The following DNAJA4 variants were observed in gnomAD, a reference collection of about 807,000 sequenced individuals.
DNAJA4 encodes DnaJ heat shock protein family (Hsp40) member A4, also known as dnaJ homolog subfamily A member 4.
DNAJA4 carries 32 observed loss-of-function variants against 39.7 expected under a neutral mutation model. That is an observed-to-expected ratio of 0.81 (90% CI 0.61 to 1.08). The LOEUF (loss-of-function observed/expected upper bound fraction) is 1.08. Ranked by LOEUF, DNAJA4 falls within the 50% of genes least tolerant of loss-of-function variation. The pLI, the probability that DNAJA4 is intolerant of heterozygous loss-of-function variation, is 0.00. For synonymous variants in DNAJA4, 184 were observed against 182.4 expected, an observed-to-expected ratio of 1.01 and a Z score of -0.07; for missense variants, 439 against 505.1, an observed-to-expected ratio of 0.87 and a Z score of 1.25.
intron 3 of DNAJA4, among the ~76,000 whole-genome samples, chr15:78,273,802 A>C (rs1275899146): frequency 6.6e-6 from 1 of 152,196 alleles, no homozygotes; most frequent in Non-Finnish European, 1.5e-5. Context: ...CCAGCCTCAC[A>C]TTGTCCCACA....
At chr15:78,264,320 C>T, upstream of DNAJA4, 2 of 1,405,612 alleles carry the variant, frequency 1.4e-6, no homozygotes, top group Middle Eastern at 2.0e-4. Context: ...CGCCATGGCC[C>T]GGGGCGGCAG....
chr15:78,264,215 T>C (rs1186023983), upstream of DNAJA4: 1 of 869,924 alleles, frequency 1.1e-6, no homozygotes, highest in Non-Finnish European at 1.6e-6. Context: ...GCCAGCCGGC[T>C]CCACGGACCC....
chr15:78,264,250 G>A, upstream of DNAJA4: 1 of 1,123,826 alleles, frequency 8.9e-7, no homozygotes, highest in East Asian at 3.4e-5. Context: ...GGGCGGCCTC[G>A]GGGCGGCGGG....
intron 1 of DNAJA4, among the ~76,000 whole-genome samples, chr15:78,269,818 G>A (rs12901552): frequency 0.26 from 39,867 of 151,058 alleles, 5,771 homozygotes; most frequent in East Asian, 0.45. Context: ...GATTCTTTTC[G>A]TACAATTGGG....
At position 78,275,727 on chromosome 15, in the gene DNAJA4, A is replaced by G. The variant is rs1264253158; in HGVS notation, c.876A>G (p.Ala292=). 1.3e-6 allele frequency: 2 copies of G among 1,597,606 alleles called. No homozygotes were observed. Among genetic ancestry groups the G allele is most frequent in the Admixed American group, 1.7e-5 (1 of 59,778 alleles). ...DNRILVITSK[A]GEVIKHGDLR... ...GAATTCTTGTTATTACATCCAAAGCAGGTAATGTTTCAAAGTGTGTTTCCA... is the reference window on the plus strand; with the variant it reads ...GAATTCTTGTTATTACATCCAAAGCGGGTAATGTTTCAAAGTGTGTTTCCA... The change falls in exon 5 of 7, where the codon GCA becomes GCG. Residue 292 remains alanine (A), a splice_region_variant and synonymous_variant. Transcript: ENST00000394852.
At chr15:78,267,849 G>T (rs773594974) in intron 1 of DNAJA4, among the ~76,000 whole-genome samples, 2 of 151,996 alleles carry the variant, frequency 1.3e-5, no homozygotes, top group Non-Finnish European at 2.9e-5. Flanking sequence ...AAGTTGTTAC[G>T]TAGTCTTCAA....
At position 78,265,614 on chromosome 15, in the gene DNAJA4, G is replaced by C. The variant is rs1213237880; in HGVS notation, c.132+719G>C. The C allele has an allele frequency of 4.3e-6, 3 of 702,298 alleles. No homozygotes were observed. In the South Asian group the frequency reaches 4.4e-5, roughly 10 times the overall value. The allele number at this position is 702,298 out of a possible 1,614,324, so 43.5% of individuals were successfully genotyped here. On this transcript the variant is annotated intron_variant, in intron 1 of 6. Coordinates refer to ENST00000394852, the MANE Select transcript of DNAJA4 (RefSeq NM_001130182.2). ...TGCATTTTAGAGACAGAAGTTAAAA[G>C]CTTTTCCATCCTGTTTACAGAAAGT...
At chr15:78,274,541 G>A (rs1401549569) in intron 4 of DNAJA4, 117 bp downstream of exon 4, 1 of 876,534 alleles carries the variant, frequency 1.1e-6, no homozygotes, top group African/African-American at 1.6e-5. Context: ...TGTATTGGGT[G>A]TGCCATGAAT....
Position 78,273,106 on chromosome 15 carries a change from G to A in DNAJA4, c.325G>A (p.Val109Ile). Reference sequence around the variant, plus strand: ...TCTCCCTTGCTAAGGCAAGAATGTTGTACACCAGTTATCTGTAACTCTTGA... The same window carrying A: ...TCTCCCTTGCTAAGGCAAGAATGTTATACACCAGTTATCTGTAACTCTTGA... ...MARERRGKNVVHQLSVTLEDL... is the reference protein window; with the variant it reads ...MARERRGKNVIHQLSVTLEDL... Residue 109 changes from valine to isoleucine, a missense_variant, in exon 3 of 7, where the codon GTA becomes ATA. By Grantham distance (29) the Val-to-Ile change is conservative. Coordinates refer to ENST00000394852, the MANE Select transcript of DNAJA4 (RefSeq NM_001130182.2). The A allele has an allele frequency of 6.3e-7, 1 of 1,593,530 alleles. No homozygotes were observed. The highest frequency in any genetic ancestry group is 8.6e-7 in the Non-Finnish European group (1 of 1,162,922).
In DNAJA4 at chr15:78,280,812, C is replaced by G. The variant is rs2049634863; in HGVS notation, c.*352C>G. ...CAATAAGGCACAGCCCAGTTAGCAG[C>G]TTAGCCCCCCTAGCAAACCCCAAGG... On this transcript the variant is annotated 3_prime_UTR_variant, in exon 7 of 7. Coordinates refer to ENST00000394852, the MANE Select transcript of DNAJA4 (RefSeq NM_001130182.2). The G allele has an allele frequency of 5.1e-6, 1 of 197,420 alleles. No homozygotes were observed. 12.2% of individuals were successfully genotyped at this position (197,420 alleles called of 1,614,324 possible).
At chr15:78,266,371 C>A in intron 1 of DNAJA4, 1 of 1,338,018 alleles carries the variant, frequency 7.5e-7, no homozygotes, top group Non-Finnish European at 1.1e-6. Context: ...AAAAATTAGA[C>A]TTGACCTGTA....
chr15:78,273,238 C>A, intron 3 of DNAJA4, 39 bp downstream of exon 3: 2 of 1,128,694 alleles, frequency 1.8e-6, no homozygotes, highest in South Asian at 1.3e-5. Context: ...CAGTTCTGAT[C>A]CCTTAGATTC....
At chr15:78,270,446 A>G in intron 1 of DNAJA4, 51 bp from the exon 2 acceptor site, 1 of 1,580,016 alleles carries the variant, frequency 6.3e-7, no homozygotes. Flanking sequence ...GGTTTGCTTA[A>G]CAAAACAACT....
chr15:78,267,401 C>G (rs1272303265), intron 1 of DNAJA4, among the ~76,000 whole-genome samples: 1 of 151,780 alleles, frequency 6.6e-6, no homozygotes, highest in African/African-American at 2.4e-5. Context: ...TCCCCTGTTG[C>G]TAAGCATTGG....
chr15:78,275,636 A>G lies in DNAJA4; in HGVS notation c.785A>G (p.Lys262Arg). 6.2e-7 allele frequency: 1 copy of G among 1,614,238 alleles called. No homozygotes were observed. Among genetic ancestry groups the G allele is most frequent in the South Asian group, 1.1e-5 (1 of 91,088 alleles). Reference sequence around the variant, plus strand: ...AGACGAGGCCATGACTTGATCATGAAAATGAAAATTCAGCTTTCTGAAGCT... The same window carrying G: ...AGACGAGGCCATGACTTGATCATGAGAATGAAAATTCAGCTTTCTGAAGCT... ...FQRRGHDLIMKMKIQLSEALC... is the reference protein window; with the variant it reads ...FQRRGHDLIMRMKIQLSEALC... The change falls in exon 5 of 7, where the codon AAA becomes AGA. Residue 262 changes from lysine (K) to arginine (R), a missense_variant. By Grantham distance (26) the Lys-to-Arg change is conservative. Transcript: ENST00000394852.
chr15:78,266,181 A>G lies in DNAJA4; in HGVS notation c.132+1286A>G. ...ACATTCATTGTGGTCCGCTTCTGAC[A>G]GTCTCCTTTAAGGAGAGCTTGTAGG... is the stretch of plus-strand genomic sequence containing the variant. On this transcript the variant is annotated intron_variant, in intron 1 of 6. Transcript: ENST00000394852. The G allele has an allele frequency of 2.5e-6, 4 of 1,586,638 alleles. No homozygotes were observed. The South Asian group carries it at 4.5e-5, about 18-fold the overall frequency.
chr15:78,269,749 C>T (rs142836350), intron 1 of DNAJA4, among the ~76,000 whole-genome samples: 2 of 152,066 alleles, frequency 1.3e-5, no homozygotes, highest in Non-Finnish European at 2.9e-5. Flanking sequence ...CAGGATCACA[C>T]ATTGTATTCG....
In DNAJA4 at chr15:78,274,234, G is replaced by A. The variant is rs758529211; in HGVS notation, c.456G>A (p.Pro152=). Residue 152 remains proline, a synonymous_variant, in exon 4 of 7, where the codon CCG becomes CCA. Transcript: ENST00000394852. ...AGAAGGGATCGGTGGAGAAGTGCCC[G>A]CTGTGCAAGGGGCGGGGGATGCAGA... The part of the protein sequence containing the change: ...GGKKGSVEKC[P]LCKGRGMQIH... The A allele has an allele frequency of 1.0e-4, 166 of 1,614,112 alleles. 1 individual carries two copies. The East Asian group carries it at 3.5e-3, about 34-fold the overall frequency.
intron 1 of DNAJA4, among the ~76,000 whole-genome samples, chr15:78,267,491 T>A (rs1157005741): frequency 6.6e-6 from 1 of 152,084 alleles, no homozygotes; most frequent in Non-Finnish European, 1.5e-5. Context: ...TTGTTTTTTT[T>A]GCAAGATGCA....
Sources: gnomAD v4.1 joint callset for allele counts (sites outside exome capture counted in the v4.1 genomes callset) on GRCh38, gnomAD v4.1.1 for gene constraint, MANE v1.5 for transcripts, NCBI Gene and HGNC (gene_info 2026-07-23, HGNC 2026-07-21) for gene names.